The following SETBP1 variants were observed in gnomAD, a reference collection of about 807,000 sequenced individuals.
SETBP1 encodes the protein SET binding protein 1.
Under a neutral mutation model 101.0 loss-of-function variants are expected in SETBP1, and 9 were observed. The observed-to-expected ratio is 0.09, with a 90% confidence interval of 0.05 to 0.16. The LOEUF (loss-of-function observed/expected upper bound fraction) is 0.16. SETBP1 is among the 10% of genes least tolerant of loss of function. The pLI is 1.00. For synonymous variants in SETBP1, 818 were observed against 788.5 expected (o/e 1.04, Z -0.63); for missense variants, 1,858 against 2,033.8 (o/e 0.91, Z 1.66).
chr18:44,928,252 C>A (rs890959931), intron 3 of SETBP1, among the ~76,000 whole-genome samples: 1 of 152,212 alleles, frequency 6.6e-6, no homozygotes, highest in Non-Finnish European at 1.5e-5. Flanking sequence ...CTACAAAGGA[C>A]ATGAACTCAT....
intron 1 of SETBP1, among the ~76,000 whole-genome samples, chr18:44,684,376 A>G (rs1020785528): frequency 6.6e-6 from 1 of 152,154 alleles, no homozygotes. Context: ...GATGATGCCA[A>G]TCTACATTTT....
At chr18:44,753,489 T>A (rs1414119969) in intron 2 of SETBP1, among the ~76,000 whole-genome samples, 1 of 152,198 alleles carries the variant, frequency 6.6e-6, no homozygotes, top group Non-Finnish European at 1.5e-5. Context: ...GTATTAGAAG[T>A]AGTGCTACCT....
chr18:45,002,475 A>G (rs530766249), intron 4 of SETBP1, among the ~76,000 whole-genome samples: 9 of 152,140 alleles, frequency 5.9e-5, no homozygotes, highest in African/African-American at 1.9e-4. Context: ...TTTGGGATTT[A>G]TTTTAATTTG....
chr18:44,887,846 G>A (rs998188682), intron 3 of SETBP1, among the ~76,000 whole-genome samples: 1 of 152,096 alleles, frequency 6.6e-6, no homozygotes, highest in Non-Finnish European at 1.5e-5. Flanking sequence ...CAAAAGCCTA[G>A]GCAGAGGTGG....
chr18:44,954,354 A>C (rs1010826900), intron 4 of SETBP1, among the ~76,000 whole-genome samples: 1 of 131,340 alleles, frequency 7.6e-6, no homozygotes, highest in Non-Finnish European at 1.7e-5. Flanking sequence ...AAAAAAAAAA[A>C]CAGTTCTTGT....
At chr18:45,002,191 G>C (rs948935229) in intron 4 of SETBP1, among the ~76,000 whole-genome samples, 1 of 151,942 alleles carries the variant, frequency 6.6e-6, no homozygotes, top group Non-Finnish European at 1.5e-5. Flanking sequence ...GGCCAAAACA[G>C]AGCATTTCAA....
At chr18:44,713,217 A>G (rs1013643139) in intron 2 of SETBP1, among the ~76,000 whole-genome samples, 1 of 151,944 alleles carries the variant, frequency 6.6e-6, no homozygotes, top group African/African-American at 2.4e-5. Context: ...TCGGCCTCCC[A>G]AAGTGCTGGG....
intron 5 of SETBP1, among the ~76,000 whole-genome samples, chr18:45,041,820 G>C (rs926751440): frequency 1.4e-4 from 21 of 151,944 alleles, no homozygotes; most frequent in Admixed American, 2.6e-4. Context: ...AACCAGGTGT[G>C]GTGGCATGCT....
intron 2 of SETBP1, among the ~76,000 whole-genome samples, chr18:44,712,099 T>G (rs2069360376): frequency 6.6e-6 from 1 of 152,222 alleles, no homozygotes; most frequent in Admixed American, 6.5e-5. Flanking sequence ...ACCTGGCCTG[T>G]GAGGCCATTT....
intron 4 of SETBP1, among the ~76,000 whole-genome samples, chr18:44,991,811 T>C (rs996146184): frequency 3.9e-5 from 6 of 152,150 alleles, no homozygotes; most frequent in Admixed American, 2.0e-4. Context: ...CACGCATAAG[T>C]GCTACATCCA....
chr18:44,681,950 C>T (rs1030318962), intron 1 of SETBP1, among the ~76,000 whole-genome samples: 6 of 152,126 alleles, frequency 3.9e-5, no homozygotes, highest in Non-Finnish European at 1.5e-5. Flanking sequence ...CCAGCCCCTA[C>T]ACTCCCCCCA....
intron 1 of SETBP1, among the ~76,000 whole-genome samples, chr18:44,699,034 C>T (rs2069066683): frequency 1.3e-5 from 2 of 152,106 alleles, no homozygotes; most frequent in African/African-American, 2.4e-5. Context: ...ATCAATTCAT[C>T]TAAAGTTTAG....
chr18:45,040,001 C>A (rs116014513), intron 5 of SETBP1, among the ~76,000 whole-genome samples: 1 of 152,148 alleles, frequency 6.6e-6, no homozygotes. Context: ...CTTTCCGGGG[C>A]CTTGCATTGA....
chr18:44,856,535 C>T (rs1326805709), intron 2 of SETBP1, among the ~76,000 whole-genome samples: 1 of 152,194 alleles, frequency 6.6e-6, no homozygotes, highest in African/African-American at 2.4e-5. Flanking sequence ...GCTATTTTAT[C>T]AATCTCATAT....
At chr18:44,784,889 A>G (rs904203330) in intron 2 of SETBP1, among the ~76,000 whole-genome samples, 4 of 152,234 alleles carry the variant, frequency 2.6e-5, no homozygotes, top group African/African-American at 7.2e-5. Context: ...GTATTTATAC[A>G]TGGGAGTTCC....
At chr18:44,962,828 G>C (rs1480156686) in intron 4 of SETBP1, among the ~76,000 whole-genome samples, 1 of 152,140 alleles carries the variant, frequency 6.6e-6, no homozygotes, top group African/African-American at 2.4e-5. Context: ...TCAGTGCGGG[G>C]GCTGGGGAGA....
At chr18:44,872,920 C>T (rs555702211) in intron 3 of SETBP1, among the ~76,000 whole-genome samples, 6 of 152,332 alleles carry the variant, frequency 3.9e-5, no homozygotes, top group African/African-American at 1.4e-4. Context: ...GCTACATAAA[C>T]CCTCTGTTGT....
intron 4 of SETBP1, among the ~76,000 whole-genome samples, chr18:45,023,225 A>G (rs747460946): frequency 1.3e-5 from 2 of 152,264 alleles, no homozygotes; most frequent in Non-Finnish European, 2.9e-5. Context: ...TATAGTAAAT[A>G]AATTCCATTT....
intron 2 of SETBP1, among the ~76,000 whole-genome samples, chr18:44,830,471 C>T (rs2144450160): frequency 6.6e-6 from 1 of 152,324 alleles, no homozygotes; most frequent in African/African-American, 2.4e-5. Context: ...TTGGCAGCAT[C>T]TCTAAAGGGA....
Sources: allele counts gnomAD v4.1 joint callset (sites outside exome capture counted in the v4.1 genomes callset), GRCh38; gene constraint gnomAD v4.1.1; transcripts MANE v1.5; gene names NCBI Gene and HGNC (gene_info 2026-07-23, HGNC 2026-07-21).